Variants in ANO3 observed in about 807,000 individuals in gnomAD.
The protein encoded by ANO3 is anoctamin 3.
Under a neutral mutation model 144.8 loss-of-function variants are expected in ANO3, and 99 were observed. The ratio of observed to expected loss-of-function variants is 0.68; its 90% CI spans 0.58 to 0.81. The LOEUF (loss-of-function observed/expected upper bound fraction) is 0.81. ANO3 is among the 30% of genes least tolerant of loss of function. ANO3 has a pLI of 0.00. For missense variants in ANO3, 905 were observed against 1,202.2 expected, an observed-to-expected ratio of 0.75 and a Z score of 3.66; for synonymous variants, 414 against 392.6, an observed-to-expected ratio of 1.05 and a Z score of -0.64.
intron 1 of ANO3, among the ~76,000 whole-genome samples, chr11:26,368,460 G>T (rs769237867): frequency 1.3e-5 from 2 of 152,070 alleles, no homozygotes; most frequent in Admixed American, 6.6e-5. Flanking sequence ...GAAAATAATA[G>T]AATTGGCAAA....
At chr11:26,392,332 T>C (rs1405055230) in intron 1 of ANO3, among the ~76,000 whole-genome samples, 3 of 151,874 alleles carry the variant, frequency 2.0e-5, no homozygotes, top group Non-Finnish European at 4.4e-5. Context: ...TAGAGTATAT[T>C]TGATAACTTA....
intron 1 of ANO3, among the ~76,000 whole-genome samples, chr11:26,243,587 G>T (rs1316963063): frequency 6.6e-6 from 1 of 152,154 alleles, no homozygotes; most frequent in African/African-American, 2.4e-5. Context: ...GCAGTTGAAA[G>T]TTCCCCATTA....
rs140192855 is a variant in ANO3, at chr11:26,253,518, A to G, written c.155-56127A>G. 2.0e-5 allele frequency among the ~76,000 whole-genome samples: 3 copies of G among 152,158 alleles called. No individual in the cohort carries two copies. The East Asian group carries it at 5.8e-4, about 30-fold the overall frequency. ...AAACCACCATGACACAAGTTTACCT[A>G]CGTAACAAACCTGTACTTGTATCCC... On this transcript the variant is annotated intron_variant, in intron 1 of 27. Transcript: ENST00000672621.
intron 1 of ANO3, among the ~76,000 whole-genome samples, chr11:26,360,791 T>C (rs1855906034): frequency 6.6e-6 from 1 of 152,230 alleles, no homozygotes; most frequent in South Asian, 2.1e-4. Context: ...CTCTCAACAT[T>C]ATCAAATCAT....
intron 4 of ANO3, among the ~76,000 whole-genome samples, chr11:26,502,574 G>C (rs1455756925): frequency 6.6e-6 from 1 of 152,158 alleles, no homozygotes; most frequent in Non-Finnish European, 1.5e-5. Flanking sequence ...ATAAAGACTG[G>C]CTGTGGTAAA....
chr11:26,360,977 G>T (rs1855911180), intron 1 of ANO3, among the ~76,000 whole-genome samples: 1 of 152,150 alleles, frequency 6.6e-6, no homozygotes, highest in Non-Finnish European at 1.5e-5. Flanking sequence ...ATTCAGAGAA[G>T]TTCGTGCATT....
intron 18 of ANO3, among the ~76,000 whole-genome samples, chr11:26,628,668 G>A (rs1381743168): frequency 6.6e-6 from 1 of 152,152 alleles, no homozygotes; most frequent in Non-Finnish European, 1.5e-5. Context: ...GTTGTCTGTT[G>A]CCACATAGCC....
At chr11:26,324,817 G>A (rs113708238) in intron 1 of ANO3, among the ~76,000 whole-genome samples, 9 of 152,252 alleles carry the variant, frequency 5.9e-5, no homozygotes, top group African/African-American at 1.7e-4. Context: ...TAATATTACC[G>A]TTAGGTACTC....
At chr11:26,223,061 C>G (rs542143745) in intron 1 of ANO3, among the ~76,000 whole-genome samples, 27 of 151,542 alleles carry the variant, frequency 1.8e-4, no homozygotes, top group African/African-American at 6.5e-4. Flanking sequence ...TTCTTTCTAT[C>G]ACATGGCTAG....
intron 4 of ANO3, among the ~76,000 whole-genome samples, chr11:26,483,516 C>G (rs942365909): frequency 6.6e-6 from 1 of 152,138 alleles, no homozygotes; most frequent in African/African-American, 2.4e-5. Flanking sequence ...CTTCCTCCTG[C>G]TCTGGCCATG....
intron 4 of ANO3, among the ~76,000 whole-genome samples, chr11:26,497,003 CAG>C (rs1554962029): frequency 1.0e-5 from 1 of 96,458 alleles, no homozygotes; most frequent in East Asian, 2.8e-4. Flanking sequence ...TATACACACA[CAG>C]ACACACACAC....
intron 1 of ANO3, among the ~76,000 whole-genome samples, chr11:26,385,950 T>C (rs770628439): frequency 1.1e-4 from 17 of 151,860 alleles, no homozygotes; most frequent in Middle Eastern, 3.4e-3. Flanking sequence ...TGTATGTATG[T>C]AATTTCTTTG....
intron 1 of ANO3, among the ~76,000 whole-genome samples, chr11:26,294,605 G>T (rs771096254): frequency 4.6e-5 from 7 of 152,104 alleles, no homozygotes; most frequent in Non-Finnish European, 8.8e-5. Context: ...CTTCTGCAGG[G>T]TCATGCAACA....
At chr11:26,449,472 G>GTC (rs144315408) in intron 3 of ANO3, among the ~76,000 whole-genome samples, 2,447 of 140,462 alleles carry the variant, frequency 0.017, 56 homozygotes, top group African/African-American at 0.048. Context: ...CTGTCTGTCT[G>GTC]TCTCTCTCTC....
At chr11:26,511,006 G>T (rs537878398) in intron 5 of ANO3, among the ~76,000 whole-genome samples, 1 of 152,166 alleles carries the variant, frequency 6.6e-6, no homozygotes, top group South Asian at 2.1e-4. Flanking sequence ...AACAGAGAGG[G>T]TTCTCATCCA....
At chr11:26,404,955 G>T (rs530072460) in intron 1 of ANO3, among the ~76,000 whole-genome samples, 1 of 150,456 alleles carries the variant, frequency 6.6e-6, no homozygotes, top group Non-Finnish European at 1.5e-5. Context: ...GTGTGTGTGT[G>T]TGTGTGTGTG....
At chr11:26,592,103 A>C (rs2132896965) in intron 14 of ANO3, among the ~76,000 whole-genome samples, 1 of 152,254 alleles carries the variant, frequency 6.6e-6, no homozygotes, top group East Asian at 1.9e-4. Context: ...GATGTCTTCA[A>C]TTAAGTTGGC....
intron 4 of ANO3, among the ~76,000 whole-genome samples, chr11:26,487,223 C>T (rs1860487420): frequency 6.6e-6 from 1 of 152,174 alleles, no homozygotes; most frequent in African/African-American, 2.4e-5. Flanking sequence ...CAGTCTTTCC[C>T]ACGCTATTCT....
In ANO3 at chr11:26,192,917, CT is replaced by C. The variant is rs922056314; in HGVS notation, c.154+3595del. 7.2e-5 allele frequency among the ~76,000 whole-genome samples: 11 copies of C among 151,838 alleles called. No individual in the cohort carries two copies. In the East Asian group the frequency reaches 1.2e-3, roughly 16 times the overall value. Reference sequence around the variant, plus strand: ...TAATCAGTAACTAAAGTATAAATGTCTTTTTTTTATTATACTTTAAGTTCTG... The same window carrying C: ...TAATCAGTAACTAAAGTATAAATGTCTTTTTTTATTATACTTTAAGTTCTG... On this transcript the variant is annotated intron_variant, in intron 1 of 27. Coordinates refer to the ANO3 transcript ENST00000672621.
Sources: allele counts gnomAD v4.1 joint callset (sites outside exome capture counted in the v4.1 genomes callset), GRCh38; gene constraint gnomAD v4.1.1; transcripts MANE v1.5; gene names NCBI Gene and HGNC (gene_info 2026-07-23, HGNC 2026-07-21).